The following EYS variants were observed in gnomAD, a reference collection of about 807,000 sequenced individuals.
EYS encodes the protein EGF-like photoreceptor maintenance factor.
In EYS, 250 loss-of-function variants were observed where a neutral mutation model predicts 282.1. The observed-to-expected ratio is 0.89, with a 90% CI of 0.80 to 0.98. The LOEUF (loss-of-function observed/expected upper bound fraction) is 0.98, where lower values mean the gene tolerates loss of function less well. EYS is among the 50% of genes least tolerant of loss of function. The pLI is 0.00. For synonymous variants in EYS, 1,355 were observed against 1,282.9 expected (o/e 1.06, Z -1.20); for missense variants, 4,016 against 3,709.0 (o/e 1.08, Z -2.15).
chr6:64,323,621 A>G (rs1224187297), intron 29 of EYS, among the ~76,000 whole-genome samples: 1 of 152,100 alleles, frequency 6.6e-6, no homozygotes, highest in Non-Finnish European at 1.5e-5. Context: ...CTTCAGTATA[A>G]ATTTTGAGGA....
At chr6:64,033,873 T>C (rs544676974) in intron 33 of EYS, among the ~76,000 whole-genome samples, 4 of 151,222 alleles carry the variant, frequency 2.6e-5, no homozygotes, top group African/African-American at 7.3e-5. Flanking sequence ...AAATTGGGAG[T>C]GGACTTACAT....
At chr6:64,394,113 T>A (rs1773265565) in intron 28 of EYS, among the ~76,000 whole-genome samples, 2 of 152,124 alleles carry the variant, frequency 1.3e-5, no homozygotes, top group Non-Finnish European at 2.9e-5. Flanking sequence ...TACAAACCAC[T>A]GCTCAATTAA....
At chr6:64,199,813 G>GA (rs1227609892) in intron 31 of EYS, among the ~76,000 whole-genome samples, 3 of 152,058 alleles carry the variant, frequency 2.0e-5, no homozygotes, top group Non-Finnish European at 2.9e-5. Flanking sequence ...ACAAACATAT[G>GA]AAAAAAATGC....
intron 5 of EYS, among the ~76,000 whole-genome samples, chr6:65,446,881 A>G (rs888777825): frequency 1.2e-4 from 18 of 151,826 alleles, no homozygotes; most frequent in Admixed American, 5.3e-4. Flanking sequence ...ATTAATTCTT[A>G]AAACTTTATG....
chr6:64,255,016 A>G (rs1337257715), intron 30 of EYS, among the ~76,000 whole-genome samples: 2 of 152,148 alleles, frequency 1.3e-5, no homozygotes, highest in Non-Finnish European at 2.9e-5. Flanking sequence ...CTTGGAGATT[A>G]CTTTGTGAAA....
chr6:64,934,567 A>G (rs971494376), intron 15 of EYS, among the ~76,000 whole-genome samples: 1 of 151,934 alleles, frequency 6.6e-6, no homozygotes, highest in African/African-American at 2.4e-5. Context: ...TTGACTTCCC[A>G]TCAGAAGCCA....
At chr6:64,987,820 T>C (rs543374148) in intron 14 of EYS, among the ~76,000 whole-genome samples, 18 of 151,642 alleles carry the variant, frequency 1.2e-4, no homozygotes, top group African/African-American at 2.7e-4. Context: ...CTTGATTGTA[T>C]ATAGTAATAA....
At chr6:64,080,275 A>G (rs1771919018) in intron 32 of EYS, among the ~76,000 whole-genome samples, 1 of 152,090 alleles carries the variant, frequency 6.6e-6, no homozygotes. Flanking sequence ...ATGGTATCTC[A>G]TTGTGGTTTT....
chr6:63,913,776 C>T (rs1045815036), intron 35 of EYS, among the ~76,000 whole-genome samples: 10 of 152,186 alleles, frequency 6.6e-5, no homozygotes, highest in African/African-American at 1.9e-4. Flanking sequence ...AACAATGCTG[C>T]TATGAATATT....
chr6:64,704,462 A>AG (rs1770905968), intron 22 of EYS, among the ~76,000 whole-genome samples: 1 of 79,788 alleles, frequency 1.3e-5, no homozygotes, highest in Non-Finnish European at 2.5e-5. Flanking sequence ...TATAATTATA[A>AG]TATAATACTT....
At chr6:64,122,024 A>G (rs1353244060) in intron 31 of EYS, among the ~76,000 whole-genome samples, 4 of 152,190 alleles carry the variant, frequency 2.6e-5, no homozygotes, top group East Asian at 1.9e-4. Context: ...TAGTAATGAT[A>G]ATGTGTGATT....
At chr6:65,292,486 C>A (rs1292893898) in intron 12 of EYS, among the ~76,000 whole-genome samples, 5 of 151,636 alleles carry the variant, frequency 3.3e-5, no homozygotes, top group Non-Finnish European at 7.4e-5. Flanking sequence ...CTAATGTGGA[C>A]GAGATAGTCT....
rs956844093 is a variant in EYS, at chr6:65,572,988, G to A, written c.-333+66790C>T. Among the ~76,000 whole-genome samples the A allele has an allele frequency of 2.0e-5, 3 of 152,120 alleles. No individual in the cohort carries two copies. In the East Asian group the frequency reaches 5.8e-4, roughly 29 times the overall value. ...ATGATTTACTTCAATGGGCTGAGGA[G>A]ATAATTCCATGGAAGCTCTTAAAGA... On this transcript the variant is annotated intron_variant, in intron 2 of 42. Coordinates refer to ENST00000503581, the MANE Select transcript of EYS (RefSeq NM_001142800.2).
At chr6:64,051,668 G>C (rs193171452) in intron 33 of EYS, among the ~76,000 whole-genome samples, 50 of 152,236 alleles carry the variant, frequency 3.3e-4, no homozygotes, top group African/African-American at 1.2e-3. Flanking sequence ...ATGATGACCA[G>C]ATAAATGAGC....
intron 35 of EYS, among the ~76,000 whole-genome samples, chr6:63,920,120 T>C (rs1214573756): frequency 6.6e-5 from 10 of 152,094 alleles, no homozygotes; most frequent in Non-Finnish European, 1.5e-4. Flanking sequence ...TAGTAAAATA[T>C]GGAATATTAA....
intron 22 of EYS, chr6:64,733,874 T>C (rs1772066841): frequency 1.3e-5 from 2 of 157,378 alleles, no homozygotes; most frequent in Admixed American, 1.3e-4. Flanking sequence ...GTCTCACTCA[T>C]ATCCTCCTCA....
intron 26 of EYS, among the ~76,000 whole-genome samples, chr6:64,551,217 C>G (rs1765071042): frequency 6.8e-6 from 1 of 146,776 alleles, no homozygotes; most frequent in Admixed American, 6.8e-5. Flanking sequence ...TATATATATA[C>G]ATATATATAT....
At chr6:63,742,964 CT>C (rs541026350) in intron 41 of EYS, among the ~76,000 whole-genome samples, 7 of 148,112 alleles carry the variant, frequency 4.7e-5, no homozygotes, top group South Asian at 2.1e-4. Context: ...CGTAAGTTTT[CT>C]TTTTTTTTTC....
At chr6:64,264,985 C>G (rs750184249) in intron 30 of EYS, among the ~76,000 whole-genome samples, 34 of 152,112 alleles carry the variant, frequency 2.2e-4, no homozygotes, top group Non-Finnish European at 4.3e-4. Context: ...GGATATTTTA[C>G]ACCCAATCTG....
Sources: allele counts gnomAD v4.1 joint callset (sites outside exome capture counted in the v4.1 genomes callset), GRCh38; gene constraint gnomAD v4.1.1; transcripts MANE v1.5; gene names NCBI Gene and HGNC (gene_info 2026-07-23, HGNC 2026-07-21).